VWA3B: variants seen among roughly 807,000 people sequenced by gnomAD.
The protein encoded by VWA3B is von Willebrand factor A domain containing 3B.
In VWA3B, 138 loss-of-function variants were observed where a neutral mutation model predicts 158.3. The observed-to-expected ratio is 0.87, with a 90% CI of 0.76 to 1.00. VWA3B has a LOEUF of 1.00. Ranked by LOEUF, VWA3B falls within the 50% of genes least tolerant of loss-of-function variation. The pLI is 0.00. For synonymous variants in VWA3B, 596 were observed against 587.3 expected (o/e 1.01, Z -0.21); for missense variants, 1,555 against 1,565.1 (o/e 0.99, Z 0.11).
At chr2:98,167,503 G>C (rs1410369546) in intron 8 of VWA3B, among the ~76,000 whole-genome samples, 2 of 152,286 alleles carry the variant, frequency 1.3e-5, no homozygotes, top group Non-Finnish European at 2.9e-5. Flanking sequence ...CCTTGAGAGA[G>C]TTTCCAGGCC....
intron 7 of VWA3B, among the ~76,000 whole-genome samples, chr2:98,134,792 A>G (rs1002521740): frequency 2.6e-5 from 4 of 151,990 alleles, no homozygotes; most frequent in Non-Finnish European, 4.4e-5. Flanking sequence ...TGAAAGATTT[A>G]CGTAACGGTG....
chr2:98,308,054 C>T (rs1690637156), intron 26 of VWA3B, among the ~76,000 whole-genome samples: 1 of 152,150 alleles, frequency 6.6e-6, no homozygotes, highest in African/African-American at 2.4e-5. Context: ...AAATCTGATG[C>T]ACATTTTCAT....
At chr2:98,243,450 C>T (rs1427007111) in intron 19 of VWA3B, among the ~76,000 whole-genome samples, 1 of 152,046 alleles carries the variant, frequency 6.6e-6, no homozygotes, top group Non-Finnish European at 1.5e-5. Flanking sequence ...TCTCCTGCCT[C>T]AGCCTCCCGA....
intron 19 of VWA3B, among the ~76,000 whole-genome samples, chr2:98,249,079 A>G (rs1225070251): frequency 3.3e-5 from 5 of 152,146 alleles, no homozygotes; most frequent in Non-Finnish European, 7.3e-5. Context: ...ACATTTCTAA[A>G]ATGCCTACAT....
intron 10 of VWA3B, among the ~76,000 whole-genome samples, chr2:98,190,231 A>G (rs1221372803): frequency 6.6e-6 from 1 of 152,104 alleles, no homozygotes; most frequent in East Asian, 1.9e-4. Flanking sequence ...GTGGCTATTT[A>G]GGATTTACAA....
chr2:98,174,487 A>G (rs1679845730), intron 8 of VWA3B, among the ~76,000 whole-genome samples: 2 of 152,246 alleles, frequency 1.3e-5, no homozygotes, highest in Non-Finnish European at 2.9e-5. Context: ...CCTCAGTGGG[A>G]AAAGCCTTTT....
At chr2:98,298,131 C>G in intron 24 of VWA3B, 100 bp downstream of exon 24, 1 of 1,327,030 alleles carries the variant, frequency 7.5e-7, no homozygotes, top group Non-Finnish European at 9.7e-7. Flanking sequence ...GCTGAACCTA[C>G]ACGGGCTCCT....
intron 2 of VWA3B, 116 bp from the exon 3 acceptor site, chr2:98,115,536 T>G: frequency 1.3e-6 from 1 of 754,548 alleles, no homozygotes; most frequent in Non-Finnish European, 2.2e-6. Context: ...GCATCACAAA[T>G]TATTGATGGC....
rs114101989 is a variant in VWA3B, at chr2:98,305,737, C to G, written c.3521+1935C>G. Among the ~76,000 whole-genome samples the G allele has an allele frequency of 8.7e-3, 1,321 of 152,218 alleles. 20 individuals are homozygous for G. Among genetic ancestry groups the G allele is most frequent in the African/African-American group, 0.03 (1,246 of 41,522 alleles). On this transcript the variant is annotated intron_variant, in intron 26 of 27. Transcript: ENST00000477737. Reference sequence around the variant, plus strand: ...CTGCTTGTCCTTCACCTACCACACCCCCTTGGTCTCCAGGTTGCAGGCATC... The same window carrying G: ...CTGCTTGTCCTTCACCTACCACACCGCCTTGGTCTCCAGGTTGCAGGCATC...
chr2:98,234,541 A>G (rs952818294), intron 16 of VWA3B, 107 bp from the exon 17 acceptor site: 1 of 1,510,558 alleles, frequency 6.6e-7, no homozygotes, highest in African/African-American at 1.4e-5. Context: ...GGGTTGGGAA[A>G]CAAAGGTTGC....
chr2:98,180,804 G>A (rs927692489), intron 8 of VWA3B, among the ~76,000 whole-genome samples: 1 of 152,188 alleles, frequency 6.6e-6, no homozygotes, highest in Admixed American at 6.5e-5. Flanking sequence ...GCAGTCTTTT[G>A]AATTATTAGG....
At chr2:98,158,340 G>T (rs1235086415) in intron 7 of VWA3B, among the ~76,000 whole-genome samples, 1 of 152,210 alleles carries the variant, frequency 6.6e-6, no homozygotes, top group Non-Finnish European at 1.5e-5. Flanking sequence ...AAGTGCCCGA[G>T]CACTGCAGGA....
intron 5 of VWA3B, 121 bp from the exon 6 acceptor site, chr2:98,128,118 C>T: frequency 8.2e-7 from 1 of 1,216,950 alleles, no homozygotes; most frequent in African/African-American, 1.5e-5. Context: ...CTGGGCAGGG[C>T]TGCTATTCTT....
chr2:98,259,253 T>TCAGGGTAATTCTC (rs1461792795), intron 21 of VWA3B, among the ~76,000 whole-genome samples: 9 of 151,802 alleles, frequency 5.9e-5, no homozygotes, highest in Non-Finnish European at 8.9e-5. Flanking sequence ...GGCCTTGGTA[T>TCAGGGTAATTCTC]CAGGGTAATT....
chr2:98,223,468 A>C (rs1684674752), intron 14 of VWA3B, among the ~76,000 whole-genome samples: 1 of 152,234 alleles, frequency 6.6e-6, no homozygotes, highest in Admixed American at 6.5e-5. Flanking sequence ...TTGGTGAAAT[A>C]TACAAATATA....
At chr2:98,099,637 A>G (rs1682948492) in intron 2 of VWA3B, among the ~76,000 whole-genome samples, 1 of 152,042 alleles carries the variant, frequency 6.6e-6, no homozygotes, top group African/African-American at 2.4e-5. Context: ...CCAGGTTTGG[A>G]AAGTTTCCTG....
chr2:98,260,305 A>T (rs1687402616), intron 21 of VWA3B, among the ~76,000 whole-genome samples: 1 of 151,688 alleles, frequency 6.6e-6, no homozygotes, highest in South Asian at 2.1e-4. Context: ...TCCATTATCT[A>T]AAGTGAGGCG....
intron 5 of VWA3B, among the ~76,000 whole-genome samples, chr2:98,122,663 G>T (rs945453981): frequency 4.6e-5 from 7 of 152,146 alleles, no homozygotes; most frequent in Non-Finnish European, 1.0e-4. Context: ...TGGGCACACA[G>T]CTGTTCTCTT....
In VWA3B at chr2:98,266,591, T is replaced by C. The variant is rs1687848443; in HGVS notation, c.2844-4091T>C. 2.1e-5 allele frequency among the ~76,000 whole-genome samples: 3 copies of C among 142,602 alleles called. No individual in the cohort carries two copies. The East Asian group carries it at 6.1e-4, about 29-fold the overall frequency. The allele number at this position is 142,602 out of a possible 152,430, so 93.6% of individuals were successfully genotyped here. A position where few individuals can be genotyped will look rare whatever the true frequency, so the allele number is the denominator to read the frequency against. On this transcript the variant is annotated intron_variant, in intron 21 of 27. Coordinates refer to ENST00000477737, the MANE Select transcript of VWA3B (RefSeq NM_144992.5). ...TTTCCAATTCTGTGAAGAAAGGCAT[T>C]GGTAGCTTGATGGGGATGGCATTGA...
Sources: allele counts gnomAD v4.1 joint callset (sites outside exome capture counted in the v4.1 genomes callset), GRCh38; gene constraint gnomAD v4.1.1; transcripts MANE v1.5; gene names NCBI Gene and HGNC (gene_info 2026-07-23, HGNC 2026-07-21).